ASAP1: variants seen among roughly 807,000 people sequenced by gnomAD.
ASAP1 encodes ArfGAP with SH3 domain, ankyrin repeat and PH domain 1, also known as arf-GAP with SH3 domain, ANK repeat and PH domain-containing protein 1.
A neutral mutation model predicts 145.2 loss-of-function variants in ASAP1; 43 were observed. The ratio of observed to expected loss-of-function variants is 0.30; its 90% confidence interval spans 0.23 to 0.38. ASAP1 has a LOEUF of 0.38. Among genes scored for constraint, ASAP1 ranks in the 10% least tolerant of loss-of-function variants. ASAP1 has a pLI of 1.00. For missense variants in ASAP1, 1,018 were observed against 1,355.3 expected, an observed-to-expected ratio of 0.75 and a Z score of 3.91; for synonymous variants, 546 against 515.5, an observed-to-expected ratio of 1.06 and a Z score of -0.80.
At chr8:130,402,763 C>T (rs11993714) in intron 1 of ASAP1, among the ~76,000 whole-genome samples, 49,128 of 151,850 alleles carry the variant, frequency 0.32, 8,738 homozygotes, top group African/African-American at 0.46. Flanking sequence ...GATCTCTCCA[C>T]TTATCTCTCC....
At chr8:130,333,175 C>T (rs936956846) in intron 3 of ASAP1, among the ~76,000 whole-genome samples, 3 of 152,216 alleles carry the variant, frequency 2.0e-5, no homozygotes, top group African/African-American at 7.2e-5. Context: ...TTCCTAAGCA[C>T]CCCCAACCCT....
At position 130,236,910 on chromosome 8, in the gene ASAP1, G is replaced by C. The variant is rs764650783; in HGVS notation, c.259+12C>G. On this transcript the variant is annotated intron_variant, in intron 4 of 29. Coordinates refer to ENST00000518721, the MANE Select transcript of ASAP1 (RefSeq NM_018482.4). ...TATAATTCATGTTACCTCATTTTTA[G>C]TAAGTGCTTACCTTGACCAGAATTA... 6.6e-7 allele frequency: 1 copy of C among 1,526,212 alleles called. No individual in the cohort carries two copies. Among genetic ancestry groups the C allele is most frequent in the Non-Finnish European group, 8.9e-7 (1 of 1,120,832 alleles). 94.5% of individuals were successfully genotyped at this position (1,526,212 alleles called of 1,614,324 possible). A position where few individuals can be genotyped will look rare whatever the true frequency, so the allele number is the denominator to read the frequency against.
chr8:130,282,977 A>G (rs1821345173), intron 3 of ASAP1, among the ~76,000 whole-genome samples: 1 of 152,222 alleles, frequency 6.6e-6, no homozygotes, highest in Non-Finnish European at 1.5e-5. Context: ...CAATTGGGAA[A>G]GGGGATGCAC....
chr8:130,169,877 A>C (rs1813462815), intron 9 of ASAP1, among the ~76,000 whole-genome samples: 1 of 152,210 alleles, frequency 6.6e-6, no homozygotes, highest in Non-Finnish European at 1.5e-5. Flanking sequence ...CCAGATTCTG[A>C]TCCACGCTCT....
At chr8:130,380,424 C>T (rs1827712025) in intron 2 of ASAP1, among the ~76,000 whole-genome samples, 1 of 152,168 alleles carries the variant, frequency 6.6e-6, no homozygotes, top group Non-Finnish European at 1.5e-5. Context: ...GCCAAAGAAA[C>T]CCTCAGGAGC....
intron 11 of ASAP1, among the ~76,000 whole-genome samples, chr8:130,165,482 T>C (rs1186119386): frequency 6.6e-6 from 1 of 152,228 alleles, no homozygotes; most frequent in African/African-American, 2.4e-5. Flanking sequence ...CTAGGATTTA[T>C]GTGTCAGTAA....
chr8:130,250,321 C>T (rs13269931), intron 3 of ASAP1, among the ~76,000 whole-genome samples: 25,028 of 152,074 alleles, frequency 0.16, 2,331 homozygotes, highest in African/African-American at 0.23. Flanking sequence ...AACTAGTAAA[C>T]GGAAAAATCA....
chr8:130,244,045 T>C (rs1586670370), intron 3 of ASAP1, among the ~76,000 whole-genome samples: 1 of 152,282 alleles, frequency 6.6e-6, no homozygotes, highest in East Asian at 1.9e-4. Flanking sequence ...AAATTCATTT[T>C]AAAGACTTGT....
chr8:130,093,601 C>T (rs539678382), intron 24 of ASAP1, among the ~76,000 whole-genome samples: 54 of 130,042 alleles, frequency 4.2e-4, no homozygotes, highest in Non-Finnish European at 5.1e-4. Flanking sequence ...CAGGAAGTGG[C>T]GGTTGCAATG....
intron 5 of ASAP1, among the ~76,000 whole-genome samples, chr8:130,204,531 C>T (rs1816079385): frequency 6.6e-6 from 1 of 152,200 alleles, no homozygotes; most frequent in Admixed American, 6.5e-5. Context: ...TCACCAAATA[C>T]TCCCCTTTCC....
intron 3 of ASAP1, among the ~76,000 whole-genome samples, chr8:130,284,493 G>T (rs1360126824): frequency 6.6e-6 from 1 of 152,080 alleles, no homozygotes. Flanking sequence ...TTAAGCAGGG[G>T]AAAGTGAGCT....
rs563742152 is a variant in ASAP1, at chr8:130,053,082, T to C, written c.*1649A>G. On this transcript the variant is annotated 3_prime_UTR_variant, in exon 30 of 30. Transcript: ENST00000518721. Reference sequence around the variant, plus strand: ...TGTCATGCAAGGTTTATTTATTAGGTGGCTATTCAAAGTTTGTATAGCAAC... The same window carrying C: ...TGTCATGCAAGGTTTATTTATTAGGCGGCTATTCAAAGTTTGTATAGCAAC... 1 of 152,326 alleles carries C rather than the reference T, an allele frequency of 6.6e-6. No homozygotes were observed. Among genetic ancestry groups the C allele is most frequent in the South Asian group, 2.1e-4 (1 of 4,832 alleles). 9.4% of individuals were successfully genotyped at this position (152,326 alleles called of 1,614,324 possible).
chr8:130,119,803 T>TG (rs2097562681), intron 18 of ASAP1, among the ~76,000 whole-genome samples: 1 of 150,772 alleles, frequency 6.6e-6, no homozygotes, highest in Non-Finnish European at 1.5e-5. Context: ...GAGCTTCAGT[T>TG]TTTTTTTTTT....
chr8:130,136,390 T>C (rs187571377), intron 14 of ASAP1, among the ~76,000 whole-genome samples: 25 of 152,214 alleles, frequency 1.6e-4, no homozygotes, highest in African/African-American at 5.3e-4. Flanking sequence ...TTCACAGAGG[T>C]TGAAGGCAGT....
chr8:130,188,028 A>G (rs980477294), intron 6 of ASAP1, 81 bp downstream of exon 6: 8 of 955,410 alleles, frequency 8.4e-6, no homozygotes, highest in African/African-American at 3.3e-5. Context: ...TTCAAATACA[A>G]GTACTACTAT....
At chr8:130,211,133 C>G (rs1403708656) in intron 5 of ASAP1, among the ~76,000 whole-genome samples, 1 of 152,184 alleles carries the variant, frequency 6.6e-6, no homozygotes, top group Non-Finnish European at 1.5e-5. Flanking sequence ...CTCTCGAATC[C>G]TATGTTACAA....
In ASAP1 at chr8:130,358,516, G is replaced by T. The variant is rs975398076; in HGVS notation, c.60-373C>A. ...CTGGGCTCCGGCCGGCCGCTGGGGC[G>T]TGCGCGGGCTGGGCGGCTGGGGCGC... On this transcript the variant is annotated intron_variant, in intron 2 of 29. Coordinates refer to ENST00000518721, the MANE Select transcript of ASAP1 (RefSeq NM_018482.4). This position sits in a 1 kb window ranked among gnomAD's most constrained non-coding sequence, Gnocchi z 4.1. Among the ~76,000 whole-genome samples the T allele has an allele frequency of 6.8e-6, 1 of 147,888 alleles. No individual in the cohort carries two copies. Among genetic ancestry groups the T allele is most frequent in the Non-Finnish European group, 1.5e-5 (1 of 66,334 alleles).
At chr8:130,145,389 C>A (rs1287523638) in intron 13 of ASAP1, among the ~76,000 whole-genome samples, 1 of 152,154 alleles carries the variant, frequency 6.6e-6, no homozygotes. Flanking sequence ...GTGATCTTGG[C>A]TTACTGCAAC....
chr8:130,254,262 G>A (rs980189551), intron 3 of ASAP1, among the ~76,000 whole-genome samples: 1 of 152,248 alleles, frequency 6.6e-6, no homozygotes, highest in African/African-American at 2.4e-5. Context: ...TATTTTAGAT[G>A]CTTTTATTTA....
Sources: gnomAD v4.1 joint callset for allele counts (sites outside exome capture counted in the v4.1 genomes callset) on GRCh38, gnomAD v4.1.1 for gene constraint, Gnocchi (gnomAD v3.1) non-coding constraint, MANE v1.5 for transcripts, NCBI Gene and HGNC (gene_info 2026-07-23, HGNC 2026-07-21) for gene names.